The following NBAS variants were observed in gnomAD, a reference collection of about 807,000 sequenced individuals.
NBAS encodes NAG/BC035112 fusion.
NBAS carries 219 observed loss-of-function variants against 302.5 expected under a neutral mutation model. That is an observed-to-expected ratio of 0.72 (90% CI 0.65 to 0.81). The LOEUF (loss-of-function observed/expected upper bound fraction) is 0.81. Ranked by LOEUF, NBAS falls within the 30% of genes least tolerant of loss-of-function variation. NBAS has a pLI of 0.00. For missense variants in NBAS, 2,932 were observed against 2,841.6 expected (o/e 1.03, Z -0.72); for synonymous variants, 1,118 against 1,021.6 (o/e 1.09, Z -1.80).
intron 44 of NBAS, among the ~76,000 whole-genome samples, chr2:15,262,225 C>A (rs899658186): frequency 1.3e-5 from 2 of 152,160 alleles, no homozygotes; most frequent in Non-Finnish European, 2.9e-5. Flanking sequence ...CAGGTATCGT[C>A]CTGCAACTAC....
intron 21 of NBAS, among the ~76,000 whole-genome samples, chr2:15,442,737 A>G (rs1002809333): frequency 1.3e-5 from 2 of 152,048 alleles, no homozygotes; most frequent in Admixed American, 1.3e-4. Context: ...AAGGATCAAC[A>G]AAATTGATAG....
chr2:15,480,952 A>C (rs1230270149), intron 12 of NBAS, among the ~76,000 whole-genome samples: 4 of 152,128 alleles, frequency 2.6e-5, no homozygotes, highest in African/African-American at 9.7e-5. Flanking sequence ...CCAAAGCAAA[A>C]CCACTAGCCC....
rs751577307 is a variant in NBAS, at chr2:15,356,341, T to C, written c.3893A>G (p.Lys1298Arg). The change falls in exon 33 of 52, where the codon AAA becomes AGA. Residue 1298 changes from lysine (K) to arginine (R), a missense_variant. Lys to Arg is a conservative substitution (Grantham distance 26). Transcript: ENST00000281513. ...VEQALRFHDYKAASMHCQELM... is the reference protein window; with the variant it reads ...VEQALRFHDYRAASMHCQELM... ...CTCCTGACAATGCATACTGGCTGCTTTGTAGTCATGGAAGCGAAGTGCCTG... is the reference window on the plus strand; with the variant it reads ...CTCCTGACAATGCATACTGGCTGCTCTGTAGTCATGGAAGCGAAGTGCCTG... 6.2e-7 allele frequency: 1 copy of C among 1,613,866 alleles called. No individual in the cohort carries two copies. Among genetic ancestry groups the C allele is most frequent in the Non-Finnish European group, 8.5e-7 (1 of 1,179,814 alleles).
chr2:15,081,434 A>G, the NBAS span, among the ~76,000 whole-genome samples: 2 of 152,204 alleles, frequency 1.3e-5, no homozygotes, highest in Non-Finnish European at 1.5e-5. Context: ...GATGTCTCAT[A>G]TACCATACTT....
chr2:15,254,363 A>G (rs1476778849), intron 44 of NBAS, among the ~76,000 whole-genome samples: 4 of 152,142 alleles, frequency 2.6e-5, no homozygotes, highest in Non-Finnish European at 4.4e-5. Context: ...CATTTCCAGC[A>G]TGGCACGGCT....
chr2:15,560,963 C>T (rs1200195054), intron 1 of NBAS, among the ~76,000 whole-genome samples: 4 of 152,136 alleles, frequency 2.6e-5, no homozygotes, highest in African/African-American at 9.7e-5. Context: ...GTTCCAGCCC[C>T]CAACAACCGA....
At chr2:14,877,780 G>A in the NBAS span, among the ~76,000 whole-genome samples, 1 of 152,212 alleles carries the variant, frequency 6.6e-6, no homozygotes, top group South Asian at 2.1e-4. Flanking sequence ...ATTAAGTCCT[G>A]GACTTAATCC....
At chr2:15,240,931 T>A (rs1667839630) in intron 44 of NBAS, among the ~76,000 whole-genome samples, 1 of 152,094 alleles carries the variant, frequency 6.6e-6, no homozygotes, top group African/African-American at 2.4e-5. Context: ...AGACCACCCC[T>A]CCCTTCATAC....
chr2:15,082,998 GT>G, the NBAS span, among the ~76,000 whole-genome samples: 1 of 152,186 alleles, frequency 6.6e-6, no homozygotes, highest in South Asian at 2.1e-4. Flanking sequence ...CCCCCACCAT[GT>G]TTTGGGGGGT....
the NBAS span, among the ~76,000 whole-genome samples, chr2:14,940,512 C>G: frequency 6.6e-6 from 1 of 152,180 alleles, no homozygotes; most frequent in East Asian, 1.9e-4. Flanking sequence ...GAAAGGCAAT[C>G]TGTTTTTCTG....
At chr2:15,545,230 T>C (rs1450675961) in intron 6 of NBAS, among the ~76,000 whole-genome samples, 1 of 152,202 alleles carries the variant, frequency 6.6e-6, no homozygotes, top group African/African-American at 2.4e-5. Flanking sequence ...TTAATTTATA[T>C]ATGAAAAAAG....
intron 26 of NBAS, chr2:15,397,351 A>T (rs199557510): frequency 0.011 from 2,557 of 242,076 alleles, 50 homozygotes; most frequent in East Asian, 0.059. Context: ...GGTTTTATTT[A>T]TTTTTTATTT....
intron 28 of NBAS, 148 bp downstream of exon 28, chr2:15,394,079 A>T (rs1038936118): frequency 5.1e-5 from 46 of 899,742 alleles, no homozygotes; most frequent in Non-Finnish European, 6.6e-5. Context: ...CTATACACAC[A>T]TATCAAAACT....
At chr2:14,890,508 A>T in the NBAS span, 4 of 152,182 alleles carry the variant, frequency 2.6e-5, no homozygotes, top group African/African-American at 9.7e-5. Flanking sequence ...TTTTGCAGAA[A>T]GTTGTTAAGT....
At chr2:15,433,301 A>T (rs1677849019) in intron 21 of NBAS, among the ~76,000 whole-genome samples, 1 of 152,204 alleles carries the variant, frequency 6.6e-6, no homozygotes, top group African/African-American at 2.4e-5. Flanking sequence ...AAGAGGGATA[A>T]TAACAATATT....
intron 35 of NBAS, among the ~76,000 whole-genome samples, chr2:15,345,365 C>T (rs961986114): frequency 5.9e-5 from 9 of 152,020 alleles, no homozygotes; most frequent in Non-Finnish European, 1.2e-4. Flanking sequence ...ATGCCTACAA[C>T]AGATAGAGAG....
the NBAS span, among the ~76,000 whole-genome samples, chr2:14,802,690 C>T: frequency 1.2e-3 from 184 of 149,436 alleles, 2 homozygotes; most frequent in African/African-American, 4.4e-3. Context: ...ACATATATAC[C>T]ATGGAATACT....
the NBAS span, among the ~76,000 whole-genome samples, chr2:14,875,167 A>C: frequency 6.6e-6 from 1 of 152,218 alleles, no homozygotes; most frequent in Non-Finnish European, 1.5e-5. Context: ...AACAGATTAG[A>C]AAAGAGAAAA....
At position 15,447,339 on chromosome 2, in the gene NBAS, T is replaced by A. The variant is rs143974350; in HGVS notation, c.2339+13862A>T. Among the ~76,000 whole-genome samples, 450 of 152,328 alleles carry A rather than the reference T, an allele frequency of 3.0e-3. 1 individual carries two copies. The highest frequency in any genetic ancestry group is 0.01 in the African/African-American group (435 of 41,578). On this transcript the variant is annotated intron_variant, in intron 21 of 51. Coordinates refer to ENST00000281513, the MANE Select transcript of NBAS (RefSeq NM_015909.4). ...ACATTAGAAAAGCAAGAAAGGCATC[T>A]GACTTGATGGATATGAGAATTTCAT...
Sources: allele counts gnomAD v4.1 joint callset (sites outside exome capture counted in the v4.1 genomes callset), GRCh38; gene constraint gnomAD v4.1.1; transcripts MANE v1.5; gene names NCBI Gene and HGNC (gene_info 2026-07-23, HGNC 2026-07-21).